Variants in MACROD2 observed in about 807,000 individuals in gnomAD.
The protein encoded by MACROD2 is mono-ADP ribosylhydrolase 2, also known as ADP-ribose glycohydrolase MACROD2.
MACROD2 carries 36 observed loss-of-function variants against 70.4 expected under a neutral mutation model. That is an observed-to-expected ratio of 0.51 (90% confidence interval 0.39 to 0.68). MACROD2 has a LOEUF of 0.68. MACROD2 is among the 30% of genes least tolerant of loss of function. The probability of loss-of-function intolerance (pLI) is 0.00; values close to 1 mark genes in which losing one functional copy is unlikely to be tolerated. For missense variants in MACROD2, 496 were observed against 538.4 expected, an observed-to-expected ratio of 0.92 and a Z score of 0.78; for synonymous variants, 172 against 178.8, an observed-to-expected ratio of 0.96 and a Z score of 0.30.
intron 3 of MACROD2, among the ~76,000 whole-genome samples, chr20:14,432,541 A>G (rs2084006516): frequency 6.6e-6 from 1 of 152,150 alleles, no homozygotes; most frequent in Admixed American, 6.6e-5. Context: ...TAAAAGTAGT[A>G]TTCTATAATA....
intron 8 of MACROD2, among the ~76,000 whole-genome samples, chr20:15,711,710 C>A (rs2050631655): frequency 6.6e-6 from 1 of 152,196 alleles, no homozygotes; most frequent in African/African-American, 2.4e-5. Context: ...TTCCTACCAG[C>A]ATACACTTTC....
intron 15 of MACROD2, among the ~76,000 whole-genome samples, chr20:16,008,356 A>C (rs1297937301): frequency 6.6e-6 from 1 of 152,228 alleles, no homozygotes; most frequent in Non-Finnish European, 1.5e-5. Context: ...CAAACCGTGG[A>C]TATAGATTGC....
chr20:15,420,111 G>C (rs1319438880), intron 6 of MACROD2, among the ~76,000 whole-genome samples: 1 of 152,156 alleles, frequency 6.6e-6, no homozygotes, highest in Non-Finnish European at 1.5e-5. Context: ...ATTCCTACAA[G>C]TCACACAAGC....
chr20:16,011,971 C>A (rs1225269326), intron 15 of MACROD2, among the ~76,000 whole-genome samples: 1 of 143,896 alleles, frequency 6.9e-6, no homozygotes, highest in Non-Finnish European at 1.5e-5. Context: ...CTTAGGGTCA[C>A]TTGCTCCCCA....
At chr20:15,825,922 A>G (rs2063992902) in intron 8 of MACROD2, among the ~76,000 whole-genome samples, 2 of 152,270 alleles carry the variant, frequency 1.3e-5, no homozygotes, top group South Asian at 2.1e-4. Flanking sequence ...CCCTTCATTT[A>G]TCTATAAAAT....
intron 5 of MACROD2, among the ~76,000 whole-genome samples, chr20:14,762,361 TCTTTCTCAGCTC>T (rs1206243008): frequency 6.6e-6 from 1 of 152,156 alleles, no homozygotes; most frequent in African/African-American, 2.4e-5. Flanking sequence ...GACAGATTCT[TCTTTCTCAGCTC>T]CTTTGAAATA....
intron 5 of MACROD2, among the ~76,000 whole-genome samples, chr20:14,810,664 A>G (rs1175454342): frequency 6.6e-6 from 1 of 152,142 alleles, no homozygotes; most frequent in South Asian, 2.1e-4. Context: ...CTGTTTGCAG[A>G]TGACATGATT....
intron 5 of MACROD2, among the ~76,000 whole-genome samples, chr20:14,995,053 G>A (rs2423911): frequency 0.021 from 3,245 of 151,832 alleles, 68 homozygotes; most frequent in Admixed American, 0.048. Flanking sequence ...ATATATAATG[G>A]AAATACAAAA....
In MACROD2 at chr20:15,672,820, G is replaced by A. The variant is rs144697821; in HGVS notation, c.645+172973G>A. ...CCCCACCCAAATCTCATCTTGAATT[G>A]TAGCTCCCACAATTCTCACATGTCG... On this transcript the variant is annotated intron_variant, in intron 8 of 17. Coordinates refer to ENST00000684519, the MANE Select transcript of MACROD2 (RefSeq NM_001351661.2). Among the ~76,000 whole-genome samples, 398 of 152,298 alleles carry A rather than the reference G, an allele frequency of 2.6e-3. 1 individual carries two copies. Among genetic ancestry groups the A allele is most frequent in the African/African-American group, 9.2e-3 (381 of 41,560 alleles).
intron 5 of MACROD2, among the ~76,000 whole-genome samples, chr20:14,975,984 A>C (rs944741427): frequency 6.6e-6 from 1 of 152,132 alleles, no homozygotes; most frequent in Non-Finnish European, 1.5e-5. Flanking sequence ...GTAGGCGTTA[A>C]CACCCTCTGC....
chr20:15,800,260 CTTTGCTGTGCAGAAGCTTTTTAA>C (rs1250226072), intron 8 of MACROD2, among the ~76,000 whole-genome samples: 1 of 152,036 alleles, frequency 6.6e-6, no homozygotes, highest in Non-Finnish European at 1.5e-5. Context: ...TGATAGTTTC[CTTTGCTGTGCAGAAGCTTTTTAA>C]TTTAATATGG....
chr20:15,993,470 C>T lies in MACROD2; in HGVS notation c.1153+6312C>T, dbSNP rs539854629. 5.9e-5 allele frequency among the ~76,000 whole-genome samples: 9 copies of T among 151,852 alleles called. No individual in the cohort carries two copies. In the South Asian group the frequency reaches 1.7e-3, roughly 28 times the overall value. On this transcript the variant is annotated intron_variant, in intron 15 of 17. Transcript: ENST00000684519. ...AGTAACATGCTGTATGGGTTTATAA[C>T]CTAAGAGCAATAGACTACACCATAT...
intron 8 of MACROD2, among the ~76,000 whole-genome samples, chr20:15,809,857 CTATCT>C (rs1329015980): frequency 7.6e-6 from 1 of 131,658 alleles, no homozygotes; most frequent in Non-Finnish European, 1.6e-5. Context: ...TCTGGCCACC[CTATCT>C]TTTTTTTTTT....
chr20:15,607,104 C>T (rs903674470), intron 8 of MACROD2, among the ~76,000 whole-genome samples: 8 of 151,992 alleles, frequency 5.3e-5, no homozygotes, highest in Non-Finnish European at 8.8e-5. Context: ...CTGCTTGAGG[C>T]CAGGAGTTCA....
At chr20:14,894,019 C>G (rs558807602) in intron 5 of MACROD2, 1 of 151,784 alleles carries the variant, frequency 6.6e-6, no homozygotes, top group African/African-American at 2.4e-5. Context: ...CTCCTCAGCT[C>G]AAGCAATCCT....
chr20:14,827,963 C>T (rs567592390), intron 5 of MACROD2, among the ~76,000 whole-genome samples: 2 of 151,966 alleles, frequency 1.3e-5, no homozygotes, highest in Non-Finnish European at 2.9e-5. Context: ...ATTATGATCA[C>T]ACCATCTTTT....
chr20:15,323,663 G>T (rs979828324), intron 6 of MACROD2, among the ~76,000 whole-genome samples: 2 of 151,986 alleles, frequency 1.3e-5, no homozygotes, highest in South Asian at 4.1e-4. Context: ...CCATCATCTT[G>T]CATTCTGTCT....
rs181116915 is a variant in MACROD2, at chr20:14,498,283, T to C, written c.301+4775T>C. 6.7e-4 allele frequency among the ~76,000 whole-genome samples: 99 copies of C among 148,484 alleles called. 3 individuals are homozygous for C. In the East Asian group the frequency reaches 0.012, roughly 17 times the overall value. ...CATAAAACACTTGTACACCAAAAGCTATTGAAATAAAAAAAAAGAAAAAAA... is the reference window on the plus strand; with the variant it reads ...CATAAAACACTTGTACACCAAAAGCCATTGAAATAAAAAAAAAGAAAAAAA... On this transcript the variant is annotated intron_variant, in intron 4 of 17. Coordinates refer to ENST00000684519, the MANE Select transcript of MACROD2 (RefSeq NM_001351661.2).
chr20:14,864,942 G>A (rs967580456), intron 5 of MACROD2, among the ~76,000 whole-genome samples: 6 of 152,026 alleles, frequency 3.9e-5, no homozygotes. Context: ...GAATTTCATG[G>A]TGACTCCAGA....
Sources: gnomAD v4.1 joint callset for allele counts (sites outside exome capture counted in the v4.1 genomes callset) on GRCh38, gnomAD v4.1.1 for gene constraint, MANE v1.5 for transcripts, NCBI Gene and HGNC (gene_info 2026-07-23, HGNC 2026-07-21) for gene names.